Variants in DOCK6 observed in about 807,000 individuals in gnomAD.
DOCK6 encodes the protein dedicator of cytokinesis protein 6.
DOCK6 carries 167 observed loss-of-function variants against 230.3 expected under a neutral mutation model. The observed-to-expected ratio is 0.73, with a 90% CI of 0.64 to 0.82. DOCK6 has a LOEUF of 0.82. Ranked by LOEUF, DOCK6 falls within the 40% of genes least tolerant of loss-of-function variation. DOCK6 has a pLI of 0.00. For synonymous variants in DOCK6, 1,148 were observed against 1,185.0 expected, an observed-to-expected ratio of 0.97 and a Z score of 0.64; for missense variants, 2,598 against 2,825.8, an observed-to-expected ratio of 0.92 and a Z score of 1.83.
Position 11,242,164 on chromosome 19 carries a change from G to A in DOCK6, c.1524C>T (p.His508=). ...GAAGCAGCTCAGGGGAGAGGCAGAA[G>A]TGGGGATTTTCAGGAGCCGGAGAAA... is the stretch of plus-strand genomic sequence containing the variant. ...IDISPAPENP[H]FCLSPELLHI... The change falls in exon 14 of 48, where the codon CAC becomes CAT. Residue 508 remains histidine, a synonymous_variant. Transcript: ENST00000294618. The A allele has an allele frequency of 2.7e-6, 4 of 1,465,520 alleles. No homozygotes were observed. Among genetic ancestry groups the A allele is most frequent in the Non-Finnish European group, 3.6e-6 (4 of 1,109,868 alleles). The allele number at this position is 1,465,520 out of a possible 1,614,324, so 90.8% of individuals were successfully genotyped here.
At chr19:11,250,772 ATATAGTAGATGTCCATC>A in intron 6 of DOCK6, 85 bp downstream of exon 6, 1 of 1,148,728 alleles carries the variant, frequency 8.7e-7, no homozygotes, top group Non-Finnish European at 1.2e-6. Flanking sequence ...ATACAGGTGT[ATATAGTAGATGTCCATC>A]TATAGAAGCT....
At chr19:11,245,493 T>C in intron 9 of DOCK6, 70 bp downstream of exon 9, 1 of 1,439,870 alleles carries the variant, frequency 6.9e-7, no homozygotes, top group Non-Finnish European at 9.5e-7. Flanking sequence ...ATCTGTCTCA[T>C]TCTGTGAAGG....
At chr19:11,207,892 C>T (rs917156691) in intron 39 of DOCK6, among the ~76,000 whole-genome samples, 5 of 151,952 alleles carry the variant, frequency 3.3e-5, no homozygotes, top group Middle Eastern at 3.4e-3. Flanking sequence ...ATCACGCCAC[C>T]GCACTCCAGC....
rs763424297 is a variant in DOCK6 at position 11,222,701 on chromosome 19, T to C, written c.3240+34A>G. On this transcript the variant is annotated intron_variant, in intron 26 of 47. Coordinates refer to ENST00000294618, the MANE Select transcript of DOCK6 (RefSeq NM_020812.4). The surrounding 1 kb of genome is among the most constrained non-coding windows in gnomAD (Gnocchi z 4.0). ...TGGACTGAAGGTGAGAGGTTGTAGG[T>C]CAAAGAGAGGAGGCAGAAGTGAAGG... 2 of 1,537,656 alleles carry C rather than the reference T, an allele frequency of 1.3e-6. No homozygotes were observed. Among genetic ancestry groups the C allele is most frequent in the East Asian group, 4.8e-5 (2 of 41,268 alleles).
chr19:11,232,370 C>G, intron 22 of DOCK6: 1 of 1,117,026 alleles, frequency 9.0e-7, no homozygotes, highest in Non-Finnish European at 1.2e-6. Flanking sequence ...GGACATGGTT[C>G]TGGACCATAC....
At chr19:11,210,403 C>T (rs536875193) in intron 37 of DOCK6, among the ~76,000 whole-genome samples, 29 of 149,628 alleles carry the variant, frequency 1.9e-4, no homozygotes, top group Non-Finnish European at 3.4e-4. Context: ...TTCACCAGTC[C>T]ATCCCTTCAC....
chr19:11,243,850 A>C lies in DOCK6; in HGVS notation c.1056T>G (p.Ser352Arg). The C allele has an allele frequency of 1.2e-6, 2 of 1,612,862 alleles. No individual in the cohort carries two copies. Among genetic ancestry groups the C allele is most frequent in the South Asian group, 2.2e-5 (2 of 90,702 alleles). Residue 352 changes from serine to arginine, a missense_variant, in exon 10 of 48, where the codon AGT (serine) becomes AGG (arginine). Physicochemically the swap from Ser to Arg is moderately radical, Grantham distance 110 (BLOSUM62 -1). Coordinates refer to ENST00000294618, the MANE Select transcript of DOCK6 (RefSeq NM_020812.4). This position sits in a 1 kb window ranked among gnomAD's most constrained non-coding sequence, Gnocchi z 6.3. ...LEKVLQQGDI[S>R]ECCEPYMVLK... ...ACACCATGTAAGGCTCACAGCACTC[A>C]CTGATGTCCCCTTGCTGAAGCACCT... is the stretch of plus-strand genomic sequence containing the variant.
chr19:11,240,731 G>A (rs1156912573), intron 14 of DOCK6, among the ~76,000 whole-genome samples: 1 of 151,742 alleles, frequency 6.6e-6, no homozygotes, highest in Non-Finnish European at 1.5e-5. Context: ...AGGTGCACCA[G>A]CTAATTTTTG....
rs763117803 is a variant in DOCK6 at position 11,252,919 on chromosome 19, C to A, written c.172G>T (p.Asp58Tyr). ...TEVVEPLDFE[D>Y]VLLSRPPDAE... ...TCTGGTGGCCGGCTCAGAAGTACAT[C>A]CTCAAAGTCCAGGGGCTCGACAACT... The change falls in exon 3 of 48, where the codon GAT (aspartate) becomes TAT (tyrosine). Residue 58 changes from aspartate (D) to tyrosine (Y), a missense_variant. Transcript: ENST00000294618. 216 of 1,612,620 alleles carry A rather than the reference C, an allele frequency of 1.3e-4. No homozygotes were observed. The highest frequency in any genetic ancestry group is 8.1e-5 in the Non-Finnish European group (95 of 1,179,408).
At chr19:11,203,066 A>G (rs917399828) in intron 41 of DOCK6, among the ~76,000 whole-genome samples, 1 of 152,034 alleles carries the variant, frequency 6.6e-6, no homozygotes, top group African/African-American at 2.4e-5. Context: ...GCCCACAAGA[A>G]TGGGTATACA....
At chr19:11,244,270 A>G (rs1318177918) in intron 9 of DOCK6, among the ~76,000 whole-genome samples, 2 of 151,744 alleles carry the variant, frequency 1.3e-5, no homozygotes, top group Non-Finnish European at 2.9e-5. Flanking sequence ...CTGCCTCCCA[A>G]AGTGCTGGGA....
chr19:11,208,962 G>C lies in DOCK6; in HGVS notation c.4893C>G (p.Leu1631=), dbSNP rs745449252. Reference sequence around the variant, plus strand: ...GGTGGCGGTGGTCCTCGAGCAGGGCGAGGTACTCAGCCACGAGGGCGGCCG... The same window carrying C: ...GGTGGCGGTGGTCCTCGAGCAGGGCCAGGTACTCAGCCACGAGGGCGGCCG... The part of the protein sequence containing the change: ...VHAAALVAEY[L]ALLEDHRHLP... Residue 1631 remains leucine, a synonymous_variant, in exon 38 of 48, where the codon CTC becomes CTG. Transcript: ENST00000294618. The C allele has an allele frequency of 1.2e-6, 2 of 1,605,384 alleles. No individual in the cohort carries two copies. Among genetic ancestry groups the C allele is most frequent in the Non-Finnish European group, 1.7e-6 (2 of 1,174,342 alleles).
intron 2 of DOCK6, 150 bp from the exon 3 acceptor site, chr19:11,253,108 G>T: frequency 2.6e-6 from 2 of 778,538 alleles, no homozygotes; most frequent in Non-Finnish European, 2.0e-6. Context: ...AACCATGGAG[G>T]ATGATGACCT....
intron 30 of DOCK6, chr19:11,216,681 T>C: frequency 1.9e-6 from 1 of 523,354 alleles, no homozygotes; most frequent in South Asian, 2.2e-5. Context: ...AGTGCTGGGA[T>C]TACAGGTGTG....
At chr19:11,251,129 C>T in intron 5 of DOCK6, 43 bp from the exon 6 acceptor site, 2 of 1,546,638 alleles carry the variant, frequency 1.3e-6, no homozygotes, top group Non-Finnish European at 1.8e-6. Context: ...CAGCTGTATA[C>T]ACCTTCACCT....
In DOCK6 at chr19:11,238,306, T is replaced by TG; in HGVS notation, c.1644-3dup. On this transcript the variant is annotated splice_region_variant and splice_polypyrimidine_tract_variant and intron_variant, in intron 14 of 47. Coordinates refer to ENST00000294618, the MANE Select transcript of DOCK6 (RefSeq NM_020812.4). The stretch of plus-strand genomic sequence containing the variant: ...TGCGGGTACACGTACAGCAGGTTCC[T>TG]GTGGGGGGCAGGATGGGGGTGTCAG... The TG allele has an allele frequency of 6.3e-7, 1 of 1,599,712 alleles. No homozygotes were observed. Among genetic ancestry groups the TG allele is most frequent in the Non-Finnish European group, 8.5e-7 (1 of 1,173,180 alleles).
Position 11,208,752 on chromosome 19 carries a change from G to A in DOCK6, c.5022C>T (p.Ser1674=), listed in dbSNP as rs199745568. Residue 1674 remains serine (S), a synonymous_variant, in exon 39 of 48, where the codon TCC becomes TCT. Coordinates refer to ENST00000294618, the MANE Select transcript of DOCK6 (RefSeq NM_020812.4). ...ILSPDEEGFC[S]GKHFTELGLV... The stretch of plus-strand genomic sequence containing the variant: ...GCCCCAGCTCAGTGAAGTGCTTCCC[G>A]GAGCAGAAGCCCTCCTCGTCGGGCG... 36 of 1,613,762 alleles carry A rather than the reference G, an allele frequency of 2.2e-5. No homozygotes were observed. The highest frequency in any genetic ancestry group is 3.3e-5 in the Admixed American group (2 of 60,014).
Position 11,217,254 on chromosome 19 carries a change from T to G in DOCK6, c.3688A>C (p.Ser1230Arg), listed in dbSNP as rs769498231. The part of the protein sequence containing the change: ...GGPLAPGSRA[S>R]ISQGPPTASR... ...ACCGTTGGTGGCCCCTGGGAGATGC[T>G]GGCCCGGGAGCCAGGGGCTAGGGGG... The change falls in exon 29 of 48, where the codon AGC becomes CGC. Residue 1230 changes from serine (S) to arginine (R), a missense_variant. By Grantham distance (110) the Ser-to-Arg change is moderately radical. Coordinates refer to ENST00000294618, the MANE Select transcript of DOCK6 (RefSeq NM_020812.4). The G allele has an allele frequency of 8.1e-6, 13 of 1,612,660 alleles. No homozygotes were observed. The highest frequency in any genetic ancestry group is 2.7e-5 in the African/African-American group (2 of 74,936).
intron 22 of DOCK6, 100 bp from the exon 23 acceptor site, chr19:11,229,135 T>C: frequency 1.5e-6 from 2 of 1,316,258 alleles, no homozygotes; most frequent in South Asian, 2.8e-5. Context: ...GGGCTCGGGG[T>C]TAGTGCAGCA....
Sources: gnomAD v4.1 joint callset for allele counts (sites outside exome capture counted in the v4.1 genomes callset) on GRCh38, gnomAD v4.1.1 for gene constraint, Gnocchi (gnomAD v3.1) non-coding constraint, MANE v1.5 for transcripts, NCBI Gene and HGNC (gene_info 2026-07-23, HGNC 2026-07-21) for gene names.